The following PDE1A variants were observed in gnomAD, a reference collection of about 807,000 sequenced individuals.
The protein encoded by PDE1A is dual specificity calcium/calmodulin-dependent 3',5'-cyclic nucleotide phosphodiesterase 1A.
A neutral mutation model predicts 61.7 loss-of-function variants in PDE1A; 35 were observed. The observed-to-expected ratio is 0.57, with a 90% CI of 0.43 to 0.75. The LOEUF (loss-of-function observed/expected upper bound fraction) is 0.75. PDE1A is among the 30% of genes least tolerant of loss of function. The pLI is 0.00. For synonymous variants in PDE1A, 232 were observed against 213.2 expected, an observed-to-expected ratio of 1.09 and a Z score of -0.77; for missense variants, 597 against 630.6, an observed-to-expected ratio of 0.95 and a Z score of 0.57.
intron 1 of PDE1A, among the ~76,000 whole-genome samples, chr2:182,365,882 G>T (rs928920779): frequency 6.6e-5 from 10 of 151,998 alleles, no homozygotes; most frequent in Admixed American, 5.9e-4. Flanking sequence ...AAAGGGCTTT[G>T]TACCCCACAA....
At chr2:182,435,063 A>G (rs1704142183) in intron 2 of PDE1A, among the ~76,000 whole-genome samples, 1 of 151,972 alleles carries the variant, frequency 6.6e-6, no homozygotes, top group Admixed American at 6.6e-5. Flanking sequence ...GATTGGCTCC[A>G]ATTAGCACTC....
intron 1 of PDE1A, among the ~76,000 whole-genome samples, chr2:182,328,695 G>C (rs1697207539): frequency 6.6e-6 from 1 of 152,126 alleles, no homozygotes; most frequent in Non-Finnish European, 1.5e-5. Flanking sequence ...TTAAGAGAGT[G>C]AGGAGAAAAT....
At chr2:182,223,815 A>T in intron 7 of PDE1A, 49 bp downstream of exon 7, 2 of 1,093,088 alleles carry the variant, frequency 1.8e-6, no homozygotes, top group Non-Finnish European at 2.7e-6. Flanking sequence ...ATGCAGAAAA[A>T]TAAATTTCAA....
exon 14 of PDE1A, chr2:182,168,031 C>G: frequency 8.0e-7 from 1 of 1,247,032 alleles, no homozygotes; most frequent in Non-Finnish European, 1.0e-6. Context: ...CTGATGTAGC[C>G]ACTAGATGAA....
chr2:182,556,226 A>G, the PDE1A span, among the ~76,000 whole-genome samples: 1 of 152,144 alleles, frequency 6.6e-6, no homozygotes, highest in Non-Finnish European at 1.5e-5. Flanking sequence ...ACCTTTGGAA[A>G]TAACTATTTA....
chr2:182,215,585 T>C (rs1051719955), intron 7 of PDE1A, among the ~76,000 whole-genome samples: 4,221 of 144,130 alleles, frequency 0.029, 210 homozygotes, highest in African/African-American at 0.1. Flanking sequence ...AAAGGGGATA[T>C]CACCACCGAT....
chr2:182,207,633 G>A (rs1223809245), intron 7 of PDE1A, among the ~76,000 whole-genome samples: 3 of 152,198 alleles, frequency 2.0e-5, no homozygotes, highest in African/African-American at 7.2e-5. Flanking sequence ...TTCTGGGGAG[G>A]AATTCAAGGC....
chr2:182,620,431 A>C, the PDE1A span, among the ~76,000 whole-genome samples: 81,274 of 151,956 alleles, frequency 0.53, 22,324 homozygotes, highest in Admixed American at 0.66. Flanking sequence ...AATTATCCTG[A>C]CAAAAATATA....
chr2:182,712,881 A>G, the PDE1A span, among the ~76,000 whole-genome samples: 542 of 152,198 alleles, frequency 3.6e-3, 4 homozygotes, highest in African/African-American at 0.013. Flanking sequence ...AAATAATTCA[A>G]TACTGTAATG....
chr2:182,176,990 A>C (rs113150750), intron 13 of PDE1A, among the ~76,000 whole-genome samples: 5 of 148,058 alleles, frequency 3.4e-5, no homozygotes, highest in South Asian at 2.2e-4. Context: ...GATTACATTT[A>C]TTGATTTGCG....
chr2:182,440,033 T>G (rs1229930453), intron 2 of PDE1A, among the ~76,000 whole-genome samples: 1 of 152,036 alleles, frequency 6.6e-6, no homozygotes, highest in African/African-American at 2.4e-5. Context: ...TGAATAATCT[T>G]TTTTGGTTAT....
Position 182,241,911 on chromosome 2 carries a change from C to T in PDE1A, c.168-1619G>A, listed in dbSNP as rs115890474. 465 of 1,529,926 alleles carry T rather than the reference C, an allele frequency of 3.0e-4. 3 individuals carry two copies. The African/African-American group carries it at 6.0e-3, about 20-fold the overall frequency. The allele number at this position is 1,529,926 out of a possible 1,614,324, so 94.8% of individuals were successfully genotyped here. On this transcript the variant is annotated intron_variant, in intron 2 of 13. Coordinates refer to ENST00000351439, the Ensembl canonical transcript of PDE1A. The stretch of plus-strand genomic sequence containing the variant: ...CAAAATAGTTTGTTTATCTTTTTGC[C>T]CATTTGAAATTAGATTCCCTAGCCC...
chr2:182,444,162 A>C (rs1280269218), intron 2 of PDE1A, among the ~76,000 whole-genome samples: 1 of 152,104 alleles, frequency 6.6e-6, no homozygotes, highest in Admixed American at 6.6e-5. Context: ...CTTTCAGTTC[A>C]CCTAAATCAT....
chr2:182,660,833 G>A, the PDE1A span, among the ~76,000 whole-genome samples: 4 of 152,192 alleles, frequency 2.6e-5, no homozygotes, highest in Non-Finnish European at 5.9e-5. Flanking sequence ...CTGGGATTGC[G>A]GCCCTTAAGA....
chr2:182,480,481 CTG>C (rs1687633658), intron 2 of PDE1A, among the ~76,000 whole-genome samples: 1 of 151,940 alleles, frequency 6.6e-6, no homozygotes, highest in Non-Finnish European at 1.5e-5. Flanking sequence ...GGTTCCACCT[CTG>C]TGGATTCAAC....
chr2:182,521,725 G>T (rs898929772), intron 2 of PDE1A, among the ~76,000 whole-genome samples: 8 of 152,042 alleles, frequency 5.3e-5, no homozygotes, highest in African/African-American at 1.9e-4. Flanking sequence ...CTGTGAACTG[G>T]TTAATTTAAA....
exon 15 of PDE1A, chr2:182,141,323 C>A (rs1162143582): frequency 6.6e-6 from 1 of 152,068 alleles, no homozygotes; most frequent in South Asian, 2.1e-4. Flanking sequence ...TAGTTACAGT[C>A]TCTCCATAAA....
At chr2:182,540,787 C>T in the PDE1A span, among the ~76,000 whole-genome samples, 3 of 152,026 alleles carry the variant, frequency 2.0e-5, no homozygotes, top group Admixed American at 6.6e-5. Flanking sequence ...AACATAAATA[C>T]ATATTTATTT....
At chr2:182,474,539 T>C (rs1687236554) in intron 2 of PDE1A, among the ~76,000 whole-genome samples, 1 of 151,892 alleles carries the variant, frequency 6.6e-6, no homozygotes, top group Non-Finnish European at 1.5e-5. Context: ...CTGGTATTTT[T>C]TAACATATAA....
Sources: allele counts gnomAD v4.1 joint callset (sites outside exome capture counted in the v4.1 genomes callset), GRCh38; gene constraint gnomAD v4.1.1; transcripts MANE v1.5; gene names NCBI Gene and HGNC (gene_info 2026-07-23, HGNC 2026-07-21).